The following AOAH variants were observed in gnomAD, a reference collection of about 807,000 sequenced individuals.
AOAH encodes the protein acyloxyacyl hydrolase (neutrophil).
AOAH carries 64 observed loss-of-function variants against 92.2 expected under a neutral mutation model. That is an observed-to-expected ratio of 0.69 (90% CI 0.57 to 0.86). The LOEUF is 0.86. AOAH is among the 40% of genes least tolerant of loss of function. The pLI, the probability that AOAH is intolerant of heterozygous loss-of-function variation, is 0.00. For missense variants in AOAH, 656 were observed against 694.6 expected (o/e 0.94, Z 0.62); for synonymous variants, 263 against 254.5 (o/e 1.03, Z -0.32).
chr7:36,663,214 G>C (rs1306816779), intron 3 of AOAH, among the ~76,000 whole-genome samples: 1 of 152,122 alleles, frequency 6.6e-6, no homozygotes, highest in Non-Finnish European at 1.5e-5. Flanking sequence ...ATACAGAGAT[G>C]TCCCATTGAC....
At chr7:36,565,677 T>C (rs1787655253) in intron 13 of AOAH, among the ~76,000 whole-genome samples, 1 of 151,752 alleles carries the variant, frequency 6.6e-6, no homozygotes, top group Non-Finnish European at 1.5e-5. Flanking sequence ...GGACTATAGG[T>C]GTGTGCCACC....
At chr7:36,587,941 A>G (rs778503465) in intron 12 of AOAH, among the ~76,000 whole-genome samples, 1 of 152,204 alleles carries the variant, frequency 6.6e-6, no homozygotes, top group Non-Finnish European at 1.5e-5. Flanking sequence ...TTCAATAAAA[A>G]TGGTGTTCCA....
intron 12 of AOAH, among the ~76,000 whole-genome samples, chr7:36,590,684 C>T (rs939622644): frequency 6.6e-5 from 10 of 152,190 alleles, no homozygotes; most frequent in Non-Finnish European, 1.0e-4. Flanking sequence ...TGGTAGGAAG[C>T]GCATTCTGGA....
At chr7:36,650,683 T>C (rs1248053321) in intron 4 of AOAH, among the ~76,000 whole-genome samples, 1 of 152,216 alleles carries the variant, frequency 6.6e-6, no homozygotes, top group Non-Finnish European at 1.5e-5. Context: ...TGAACTCTCA[T>C]ATAGTCCACT....
At chr7:36,566,660 A>C (rs1472458260) in intron 13 of AOAH, among the ~76,000 whole-genome samples, 2 of 152,146 alleles carry the variant, frequency 1.3e-5, no homozygotes, top group Non-Finnish European at 2.9e-5. Flanking sequence ...GGTGATTAGC[A>C]GCTTCCCCAC....
Position 36,516,519 on chromosome 7 carries a change from T to C in AOAH, c.1600-3139A>G, listed in dbSNP as rs988470586. ...GCACACAGCATTCACACCCCACATA[T>C]ACTTCTTTGCACTTAAAAGCAGGAG... is the stretch of plus-strand genomic sequence containing the variant. On this transcript the variant is annotated intron_variant, in intron 20 of 20. Coordinates refer to ENST00000617537, the MANE Select transcript of AOAH (RefSeq NM_001637.4). The surrounding 1 kb of genome is among the most constrained non-coding windows in gnomAD (Gnocchi z 5.0). Among the ~76,000 whole-genome samples the C allele has an allele frequency of 6.7e-6, 1 of 150,084 alleles. No homozygotes were observed. Among genetic ancestry groups the C allele is most frequent in the East Asian group, 2.0e-4 (1 of 5,052 alleles).
At chr7:36,550,448 TTG>T (rs1278457858) in intron 13 of AOAH, among the ~76,000 whole-genome samples, 1 of 152,198 alleles carries the variant, frequency 6.6e-6, no homozygotes, top group Non-Finnish European at 1.5e-5. Context: ...TGTGGTACAA[TTG>T]TGTGAGGTAG....
chr7:36,531,389 C>T (rs1027932171), intron 18 of AOAH, among the ~76,000 whole-genome samples: 1 of 152,108 alleles, frequency 6.6e-6, no homozygotes, highest in African/African-American at 2.4e-5. Flanking sequence ...CTCTGTTGCC[C>T]AGGCTGGAAT....
chr7:36,583,108 C>A (rs1266532552), intron 12 of AOAH, among the ~76,000 whole-genome samples: 1 of 152,138 alleles, frequency 6.6e-6, no homozygotes, highest in Non-Finnish European at 1.5e-5. Flanking sequence ...CAATTTCTGA[C>A]TCTGTCCAGA....
At chr7:36,705,532 C>T (rs959437239) in intron 1 of AOAH, among the ~76,000 whole-genome samples, 1 of 152,088 alleles carries the variant, frequency 6.6e-6, no homozygotes, top group Non-Finnish European at 1.5e-5. Flanking sequence ...TAGGAAGAGT[C>T]AATATCGTGA....
intron 4 of AOAH, among the ~76,000 whole-genome samples, chr7:36,647,277 T>G (rs931539596): frequency 2.6e-5 from 4 of 152,210 alleles, no homozygotes; most frequent in African/African-American, 9.6e-5. Context: ...GAAAACTTCT[T>G]AGAGGGAATG....
At chr7:36,641,928 G>A (rs1009762520) in intron 4 of AOAH, among the ~76,000 whole-genome samples, 5 of 152,060 alleles carry the variant, frequency 3.3e-5, no homozygotes, top group South Asian at 2.1e-4. Context: ...ATATAGCCAC[G>A]GTGGCTCACT....
chr7:36,638,735 G>A (rs1172055677), intron 4 of AOAH, among the ~76,000 whole-genome samples: 2 of 152,164 alleles, frequency 1.3e-5, no homozygotes, highest in African/African-American at 4.8e-5. Flanking sequence ...GAAGTAATCT[G>A]CTCAACAATT....
At chr7:36,706,603 T>C (rs181073549) in intron 1 of AOAH, among the ~76,000 whole-genome samples, 15 of 152,322 alleles carry the variant, frequency 9.8e-5, no homozygotes, top group Admixed American at 2.0e-4. Context: ...TTCTCCTCTC[T>C]AGCTATGAAA....
chr7:36,643,942 C>T (rs952937519), intron 4 of AOAH, among the ~76,000 whole-genome samples: 2 of 152,172 alleles, frequency 1.3e-5, no homozygotes, highest in Admixed American at 1.3e-4. Flanking sequence ...TACCGGCCTG[C>T]AGAATTATGA....
intron 11 of AOAH, among the ~76,000 whole-genome samples, chr7:36,616,150 C>A (rs1338254718): frequency 1.3e-5 from 2 of 152,226 alleles, no homozygotes; most frequent in African/African-American, 2.4e-5. Flanking sequence ...CTCCCCACTG[C>A]TGCCTTCAGG....
chr7:36,554,896 G>C (rs1786579899), intron 13 of AOAH, among the ~76,000 whole-genome samples: 1 of 148,104 alleles, frequency 6.8e-6, no homozygotes, highest in Admixed American at 6.7e-5. Context: ...TGAGACAATG[G>C]GGTTTTCTAG....
intron 3 of AOAH, among the ~76,000 whole-genome samples, chr7:36,668,600 C>T (rs1218128935): frequency 6.6e-6 from 1 of 152,214 alleles, no homozygotes; most frequent in Non-Finnish European, 1.5e-5. Context: ...GATTCTAATG[C>T]CTCAGGTTCT....
At chr7:36,715,223 A>G (rs1232746664) in intron 1 of AOAH, among the ~76,000 whole-genome samples, 3 of 152,176 alleles carry the variant, frequency 2.0e-5, no homozygotes, top group African/African-American at 7.2e-5. Context: ...TCCCATTCAC[A>G]ATTGCTTCAA....
Sources: allele counts gnomAD v4.1 joint callset (sites outside exome capture counted in the v4.1 genomes callset), GRCh38; gene constraint gnomAD v4.1.1; non-coding constraint Gnocchi (gnomAD v3.1); transcripts MANE v1.5; gene names NCBI Gene and HGNC (gene_info 2026-07-23, HGNC 2026-07-21).